Variants in CDK14 observed in about 807,000 individuals in gnomAD.
The protein encoded by CDK14 is cyclin dependent kinase 14.
A neutral mutation model predicts 60.7 loss-of-function variants in CDK14; 34 were observed. The ratio of observed to expected loss-of-function variants is 0.56; its 90% CI spans 0.43 to 0.75. CDK14 has a LOEUF of 0.75. Among genes scored for constraint, CDK14 ranks in the 30% least tolerant of loss-of-function variants. CDK14 has a pLI of 0.00. For missense variants in CDK14, 482 were observed against 564.1 expected (o/e 0.85, Z 1.47); for synonymous variants, 197 against 203.7 (o/e 0.97, Z 0.28).
intron 8 of CDK14, among the ~76,000 whole-genome samples, chr7:90,920,814 G>C (rs982571202): frequency 6.6e-6 from 1 of 152,190 alleles, no homozygotes; most frequent in Admixed American, 6.5e-5. Context: ...GTAGTAATGA[G>C]TGAGTTCAAC....
chr7:90,688,279 G>C (rs1336102226), intron 2 of CDK14, among the ~76,000 whole-genome samples: 1 of 152,088 alleles, frequency 6.6e-6, no homozygotes, highest in Non-Finnish European at 1.5e-5. Context: ...TCACAGACCA[G>C]TGAATACGGA....
At chr7:90,786,097 A>G (rs1384761577) in intron 4 of CDK14, among the ~76,000 whole-genome samples, 1 of 152,220 alleles carries the variant, frequency 6.6e-6, no homozygotes. Context: ...GCAATGAGTC[A>G]TGGCTCCTTT....
intron 2 of CDK14, among the ~76,000 whole-genome samples, chr7:90,684,825 G>A (rs1801396874): frequency 6.6e-6 from 1 of 152,016 alleles, no homozygotes; most frequent in South Asian, 2.1e-4. Context: ...ACCCACCCAT[G>A]TATCTACTGC....
rs150533212 is a variant in CDK14 at position 91,108,887 on chromosome 7, G to A, written c.1155-3655G>A. The stretch of plus-strand genomic sequence containing the variant: ...AGTTAATTTAATGTCTGCATTTGAG[G>A]TGCAACTTAAAAGAGAAGATCTGAA... On this transcript the variant is annotated intron_variant, in intron 12 of 14. Transcript: ENST00000380050. Among the ~76,000 whole-genome samples, 23 of 152,312 alleles carry A rather than the reference G, an allele frequency of 1.5e-4. No individual in the cohort carries two copies. The East Asian group carries it at 4.2e-3, about 28-fold the overall frequency.
At chr7:90,982,334 G>C (rs981077378) in intron 9 of CDK14, among the ~76,000 whole-genome samples, 8 of 152,208 alleles carry the variant, frequency 5.3e-5, no homozygotes, top group Admixed American at 3.9e-4. Flanking sequence ...GGGTACTCTA[G>C]ATAGTGAAGC....
intron 2 of CDK14, among the ~76,000 whole-genome samples, chr7:90,662,991 T>C (rs1051095781): frequency 6.6e-6 from 1 of 152,136 alleles, no homozygotes; most frequent in Non-Finnish European, 1.5e-5. Context: ...GGGAAATGGA[T>C]GTGAAACCTA....
chr7:90,913,247 T>G (rs1022847286), intron 7 of CDK14, among the ~76,000 whole-genome samples: 3 of 152,092 alleles, frequency 2.0e-5, no homozygotes, highest in Non-Finnish European at 4.4e-5. Context: ...AAAGCTTGAG[T>G]TTTAAAGACA....
At chr7:91,093,277 A>T (rs945297141) in intron 12 of CDK14, among the ~76,000 whole-genome samples, 10 of 152,308 alleles carry the variant, frequency 6.6e-5, no homozygotes, top group East Asian at 3.9e-4. Flanking sequence ...GCGTTGATCA[A>T]TCTGGACCTG....
At chr7:90,742,814 T>C (rs1309775014) in intron 3 of CDK14, among the ~76,000 whole-genome samples, 1 of 151,968 alleles carries the variant, frequency 6.6e-6, no homozygotes, top group Non-Finnish European at 1.5e-5. Context: ...TCAGCTTTAA[T>C]TTTTTTATTA....
intron 5 of CDK14, among the ~76,000 whole-genome samples, chr7:90,807,854 A>T (rs903899922): frequency 2.0e-5 from 3 of 152,354 alleles, no homozygotes; most frequent in African/African-American, 7.2e-5. Context: ...CAACTGGAAG[A>T]AAGGGTATCA....
chr7:90,644,391 T>G (rs917345325), intron 2 of CDK14, among the ~76,000 whole-genome samples: 2 of 152,260 alleles, frequency 1.3e-5, no homozygotes, highest in African/African-American at 4.8e-5. Context: ...TTATCTCCGT[T>G]TTCCTGATGG....
At chr7:90,953,359 T>C (rs1794317457) in intron 8 of CDK14, among the ~76,000 whole-genome samples, 1 of 152,198 alleles carries the variant, frequency 6.6e-6, no homozygotes, top group Non-Finnish European at 1.5e-5. Context: ...TTATTTTTAC[T>C]GTTATTTTGG....
intron 10 of CDK14, among the ~76,000 whole-genome samples, chr7:91,030,473 A>G (rs1290636785): frequency 6.6e-6 from 1 of 151,922 alleles, no homozygotes; most frequent in Non-Finnish European, 1.5e-5. Context: ...CCTCCCAACC[A>G]CTGCAGACAC....
chr7:90,832,623 G>C (rs1789949097), intron 5 of CDK14, among the ~76,000 whole-genome samples: 1 of 152,074 alleles, frequency 6.6e-6, no homozygotes, highest in Admixed American at 6.6e-5. Context: ...GAGTCAATCA[G>C]CATGGAAAAA....
chr7:91,032,961 A>G (rs2888825), intron 10 of CDK14, among the ~76,000 whole-genome samples: 36,290 of 152,176 alleles, frequency 0.24, 5,016 homozygotes, highest in Middle Eastern at 0.34. Flanking sequence ...GAATATTTAA[A>G]TTAAAATTTT....
rs571826753 is a variant in CDK14, at chr7:91,116,345, C to A, written c.1295-1720C>A. Among the ~76,000 whole-genome samples the A allele has an allele frequency of 3.3e-5, 5 of 152,282 alleles. No homozygotes were observed. In the East Asian group the frequency reaches 9.7e-4, roughly 29 times the overall value. ...AAGAGCACTGAACTGGGAATCAGACCACCTGGATTGCAGCTTCAGCTCCAC... is the reference window on the plus strand; with the variant it reads ...AAGAGCACTGAACTGGGAATCAGACAACCTGGATTGCAGCTTCAGCTCCAC... On this transcript the variant is annotated intron_variant, in intron 13 of 14. Coordinates refer to ENST00000380050, the MANE Select transcript of CDK14 (RefSeq NM_001287135.2).
At chr7:91,174,569 G>T (rs1801658645) in intron 14 of CDK14, among the ~76,000 whole-genome samples, 1 of 146,356 alleles carries the variant, frequency 6.8e-6, no homozygotes, top group South Asian at 2.2e-4. Context: ...AAAAAATTTA[G>T]AAGAATGTAT....
chr7:90,889,722 A>G (rs1792055667), intron 6 of CDK14, among the ~76,000 whole-genome samples: 1 of 152,198 alleles, frequency 6.6e-6, no homozygotes. Context: ...TCTTTCCTAA[A>G]TGGCTTAAAA....
At chr7:91,080,306 T>C (rs1208031101) in intron 12 of CDK14, among the ~76,000 whole-genome samples, 2 of 152,234 alleles carry the variant, frequency 1.3e-5, no homozygotes, top group Non-Finnish European at 2.9e-5. Flanking sequence ...AAAAAACTTT[T>C]TCATATTAAA....
Sources: allele counts gnomAD v4.1 joint callset (sites outside exome capture counted in the v4.1 genomes callset), GRCh38; gene constraint gnomAD v4.1.1; transcripts MANE v1.5; gene names NCBI Gene and HGNC (gene_info 2026-07-23, HGNC 2026-07-21).